RIMS1: variants seen among roughly 807,000 people sequenced by gnomAD.
RIMS1 encodes regulating synaptic membrane exocytosis 1.
In RIMS1, 83 loss-of-function variants were observed where a neutral mutation model predicts 214.1. The ratio of observed to expected loss-of-function variants is 0.39; its 90% CI spans 0.32 to 0.47. The LOEUF (loss-of-function observed/expected upper bound fraction) is 0.47, where lower values mean the gene tolerates loss of function less well. Ranked by LOEUF, RIMS1 falls within the 20% of genes least tolerant of loss-of-function variation. The pLI is 0.99. For missense variants in RIMS1, 2,050 were observed against 2,161.8 expected (o/e 0.95, Z 1.03); for synonymous variants, 793 against 786.8 (o/e 1.01, Z -0.13).
intron 2 of RIMS1, among the ~76,000 whole-genome samples, chr6:72,073,118 C>T (rs939719359): frequency 6.6e-6 from 1 of 152,152 alleles, no homozygotes; most frequent in Admixed American, 6.5e-5. Context: ...TCAGCAGTAT[C>T]TCTTTAAACC....
At chr6:72,067,136 G>T (rs1290645474) in intron 2 of RIMS1, among the ~76,000 whole-genome samples, 1 of 152,090 alleles carries the variant, frequency 6.6e-6, no homozygotes, top group Non-Finnish European at 1.5e-5. Context: ...CCTAGAAAAA[G>T]CCAGAGTGAT....
At chr6:72,074,092 G>A (rs1720850442) in intron 2 of RIMS1, among the ~76,000 whole-genome samples, 3 of 152,074 alleles carry the variant, frequency 2.0e-5, no homozygotes, top group Admixed American at 6.6e-5. Context: ...ACACAAAAAT[G>A]GTCTGGAACC....
At chr6:71,926,597 T>C (rs1190578687) in intron 1 of RIMS1, among the ~76,000 whole-genome samples, 1 of 152,230 alleles carries the variant, frequency 6.6e-6, no homozygotes, top group East Asian at 1.9e-4. Flanking sequence ...ATTTCTTCAC[T>C]ATAATGAAAG....
chr6:72,122,874 T>C (rs1225636088), intron 4 of RIMS1, among the ~76,000 whole-genome samples: 1 of 151,908 alleles, frequency 6.6e-6, no homozygotes, highest in East Asian at 1.9e-4. Flanking sequence ...TCTTTTCTTC[T>C]TTATTAGTCT....
chr6:71,974,690 A>G (rs1178518481), intron 2 of RIMS1, among the ~76,000 whole-genome samples: 1 of 152,188 alleles, frequency 6.6e-6, no homozygotes, highest in Non-Finnish European at 1.5e-5. Context: ...ATTTTAGCTC[A>G]AGAGATTAAA....
intron 6 of RIMS1, among the ~76,000 whole-genome samples, chr6:72,203,067 A>G (rs1006911843): frequency 3.3e-5 from 5 of 152,062 alleles, no homozygotes; most frequent in Non-Finnish European, 7.4e-5. Flanking sequence ...GACTCACTGC[A>G]TGCTCCGTCT....
At chr6:71,899,797 C>G (rs993019379) in intron 1 of RIMS1, among the ~76,000 whole-genome samples, 3 of 152,006 alleles carry the variant, frequency 2.0e-5, no homozygotes, top group African/African-American at 7.2e-5. Context: ...GGCCCAAGGC[C>G]AGGTAATTTA....
chr6:72,095,449 A>G (rs1383584106), intron 2 of RIMS1, among the ~76,000 whole-genome samples: 2 of 152,330 alleles, frequency 1.3e-5, no homozygotes, highest in African/African-American at 2.4e-5. Flanking sequence ...ATATTCTTGC[A>G]TTCATTAAAT....
At chr6:71,986,492 C>T (rs932288635) in intron 2 of RIMS1, among the ~76,000 whole-genome samples, 8 of 152,006 alleles carry the variant, frequency 5.3e-5, no homozygotes, top group South Asian at 2.1e-4. Flanking sequence ...GATGCCTTGT[C>T]GTGGGGAGAA....
At chr6:72,261,275 C>T (rs908462156) in intron 19 of RIMS1, 1 of 999,028 alleles carries the variant, frequency 1.0e-6, no homozygotes, top group South Asian at 4.4e-5. Context: ...TGAGCTTCAG[C>T]TTCTTTCTTG....
intron 4 of RIMS1, among the ~76,000 whole-genome samples, chr6:72,106,922 A>T (rs949569575): frequency 6.6e-6 from 1 of 152,206 alleles, no homozygotes; most frequent in African/African-American, 2.4e-5. Flanking sequence ...AGCTATCAAT[A>T]ACTACTAACT....
Position 72,279,142 on chromosome 6 carries a change from T to C in RIMS1, c.3482+4710T>C, listed in dbSNP as rs529473600. 3.3e-5 allele frequency among the ~76,000 whole-genome samples: 5 copies of C among 152,148 alleles called. No homozygotes were observed. The South Asian group carries it at 6.2e-4, about 19-fold the overall frequency. On this transcript the variant is annotated intron_variant, in intron 23 of 33. Coordinates refer to ENST00000521978, the MANE Select transcript of RIMS1 (RefSeq NM_014989.7). ...AATTTTAATGCCTTCAGAAAAGCTT[T>C]ATTTACCAACGTCTTTAGAGAGTTA...
At position 72,317,064 on chromosome 6, in the gene RIMS1, G is replaced by C. The variant is rs570569411; in HGVS notation, c.4130+3392G>C. 26 of 431,946 alleles carry C rather than the reference G, an allele frequency of 6.0e-5. No homozygotes were observed. The East Asian group carries it at 1.3e-3, about 22-fold the overall frequency. 26.8% of individuals were successfully genotyped at this position (431,946 alleles called of 1,614,324 possible). On this transcript the variant is annotated intron_variant, in intron 28 of 33. Coordinates refer to ENST00000521978, the MANE Select transcript of RIMS1 (RefSeq NM_014989.7). ...AGAGAGGCCACAGAGGCCTCTCAGA[G>C]GAGGGCAGGGGTGGGGTGGGCACCA...
intron 33 of RIMS1, 88 bp from the exon 34 acceptor site, chr6:72,400,408 G>A: frequency 2.8e-6 from 3 of 1,078,546 alleles, no homozygotes; most frequent in South Asian, 2.6e-5. Flanking sequence ...TCACTGACTG[G>A]CCCACTTTTA....
At chr6:71,907,342 C>T (rs897598384) in intron 1 of RIMS1, among the ~76,000 whole-genome samples, 2 of 152,112 alleles carry the variant, frequency 1.3e-5, no homozygotes, top group Non-Finnish European at 2.9e-5. Flanking sequence ...TGGAGGAATA[C>T]CTCCAACTAG....
chr6:71,908,022 C>T (rs945316835), intron 1 of RIMS1, among the ~76,000 whole-genome samples: 3 of 152,160 alleles, frequency 2.0e-5, no homozygotes, highest in Admixed American at 2.0e-4. Flanking sequence ...CTAAACCTTT[C>T]ACACCACATG....
intron 2 of RIMS1, among the ~76,000 whole-genome samples, chr6:72,052,572 TATC>T (rs1825004920): frequency 6.6e-6 from 1 of 152,334 alleles, no homozygotes; most frequent in South Asian, 2.1e-4. Flanking sequence ...GGACTGTAAA[TATC>T]ATGGACTTTG....
At chr6:71,937,554 G>C (rs1784817703) in intron 1 of RIMS1, among the ~76,000 whole-genome samples, 1 of 152,132 alleles carries the variant, frequency 6.6e-6, no homozygotes, top group African/African-American at 2.4e-5. Context: ...CACCTGGCCA[G>C]AGGTGGGAAT....
At chr6:72,213,141 C>T in intron 6 of RIMS1, 1 of 1,536,970 alleles carries the variant, frequency 6.5e-7, no homozygotes. Flanking sequence ...ACCTGGGATT[C>T]ATGTCTCTTC....
Sources: gnomAD v4.1 joint callset for allele counts (sites outside exome capture counted in the v4.1 genomes callset) on GRCh38, gnomAD v4.1.1 for gene constraint, MANE v1.5 for transcripts, NCBI Gene and HGNC (gene_info 2026-07-23, HGNC 2026-07-21) for gene names.